SCAPER: variants seen among roughly 807,000 people sequenced by gnomAD.
SCAPER encodes the protein S phase cyclin A-associated protein in the endoplasmic reticulum.
In SCAPER, 98 loss-of-function variants were observed where a neutral mutation model predicts 182.2. The observed-to-expected ratio is 0.54, with a 90% CI of 0.46 to 0.64. The LOEUF is 0.64. Among genes scored for constraint, SCAPER ranks in the 30% least tolerant of loss-of-function variants. The pLI, the probability that SCAPER is intolerant of heterozygous loss-of-function variation, is 0.00. For synonymous variants in SCAPER, 605 were observed against 564.6 expected, an observed-to-expected ratio of 1.07 and a Z score of -1.01; for missense variants, 1,432 against 1,690.0, an observed-to-expected ratio of 0.85 and a Z score of 2.68.
chr15:76,541,826 C>T (rs1485438756), intron 23 of SCAPER, among the ~76,000 whole-genome samples: 3 of 152,150 alleles, frequency 2.0e-5, no homozygotes, highest in African/African-American at 7.2e-5. Context: ...TACCTAGAAA[C>T]ATATATGATA....
At chr15:76,413,067 T>G (rs1190637826) in intron 26 of SCAPER, among the ~76,000 whole-genome samples, 1 of 152,216 alleles carries the variant, frequency 6.6e-6, no homozygotes, top group Non-Finnish European at 1.5e-5. Flanking sequence ...GCATAAGTTA[T>G]ATTTGTATAT....
intron 23 of SCAPER, among the ~76,000 whole-genome samples, chr15:76,519,872 T>G (rs1567335094): frequency 6.6e-6 from 1 of 152,218 alleles, no homozygotes; most frequent in East Asian, 1.9e-4. Context: ...AGAGAGCTCT[T>G]CCTTTTTCTA....
Position 76,517,764 on chromosome 15 carries a change from T to C in SCAPER, c.2839-12790A>G, listed in dbSNP as rs911022292. On this transcript the variant is annotated intron_variant, in intron 23 of 31. Coordinates refer to ENST00000563290, the MANE Select transcript of SCAPER (RefSeq NM_020843.4). Reference sequence around the variant, plus strand: ...TTTTGATTTTCTGTTTTTCTATTGATGTCCTCCTTTTTCTGTTCCAGGATT... The same window carrying C: ...TTTTGATTTTCTGTTTTTCTATTGACGTCCTCCTTTTTCTGTTCCAGGATT... Among the ~76,000 whole-genome samples, 19 of 152,316 alleles carry C rather than the reference T, an allele frequency of 1.2e-4. 1 individual carries two copies. The highest frequency in any genetic ancestry group is 4.1e-4 in the African/African-American group (17 of 41,576).
intron 4 of SCAPER, among the ~76,000 whole-genome samples, chr15:76,845,106 A>C (rs1224877040): frequency 6.6e-6 from 1 of 152,230 alleles, no homozygotes; most frequent in African/African-American, 2.4e-5. Flanking sequence ...ATCATATAAC[A>C]AAATGAATAA....
intron 1 of SCAPER, among the ~76,000 whole-genome samples, chr15:76,895,893 T>C (rs1013605377): frequency 6.6e-6 from 1 of 151,658 alleles, no homozygotes; most frequent in East Asian, 1.9e-4. Context: ...ACAAAAAATT[T>C]GCCGGGCATG....
At chr15:76,472,406 T>G in intron 24 of SCAPER, 1 of 652,716 alleles carries the variant, frequency 1.5e-6, no homozygotes, top group African/African-American at 1.8e-5. Flanking sequence ...TTCTGGTGAC[T>G]GTATAGTTTG....
chr15:76,488,949 C>T (rs530805076), intron 24 of SCAPER, among the ~76,000 whole-genome samples: 1 of 151,228 alleles, frequency 6.6e-6, no homozygotes, highest in African/African-American at 2.4e-5. Flanking sequence ...TCTCGAACTC[C>T]TGACCTCAGG....
intron 25 of SCAPER, among the ~76,000 whole-genome samples, chr15:76,441,270 A>C (rs1425914988): frequency 6.6e-6 from 1 of 152,166 alleles, no homozygotes; most frequent in Non-Finnish European, 1.5e-5. Flanking sequence ...ATATTAAAGA[A>C]GACACTGCAA....
At chr15:76,543,683 T>C (rs2044993051) in intron 23 of SCAPER, among the ~76,000 whole-genome samples, 1 of 152,140 alleles carries the variant, frequency 6.6e-6, no homozygotes, top group Admixed American at 6.6e-5. Context: ...ACCTATATCA[T>C]ATGCCTGTGC....
At chr15:76,824,675 T>G (rs1407796949) in intron 5 of SCAPER, among the ~76,000 whole-genome samples, 5 of 152,224 alleles carry the variant, frequency 3.3e-5, no homozygotes, top group Admixed American at 3.3e-4. Context: ...GTAAACCATT[T>G]GCAAAACTGT....
At chr15:76,478,332 T>A (rs948529339) in intron 24 of SCAPER, among the ~76,000 whole-genome samples, 10 of 152,084 alleles carry the variant, frequency 6.6e-5, no homozygotes, top group Non-Finnish European at 1.5e-4. Context: ...ATTGTTAATA[T>A]CTTTTTCCAG....
At chr15:76,666,187 A>G (rs1210147872) in intron 20 of SCAPER, among the ~76,000 whole-genome samples, 2 of 152,214 alleles carry the variant, frequency 1.3e-5, no homozygotes, top group Non-Finnish European at 2.9e-5. Flanking sequence ...GAAGAGGGGG[A>G]AACTTCAGCA....
intron 5 of SCAPER, among the ~76,000 whole-genome samples, chr15:76,806,658 T>C (rs1278004378): frequency 6.6e-6 from 1 of 152,240 alleles, no homozygotes; most frequent in Non-Finnish European, 1.5e-5. Context: ...CTTAACACTA[T>C]GAAGTCTTCT....
intron 15 of SCAPER, among the ~76,000 whole-genome samples, chr15:76,750,951 T>C (rs2062051546): frequency 6.6e-6 from 1 of 151,800 alleles, no homozygotes; most frequent in South Asian, 2.1e-4. Context: ...ATTATCTTTG[T>C]TCACAGATGA....
Position 76,874,862 on chromosome 15 carries a change from C to A in SCAPER, c.6+8950G>T, listed in dbSNP as rs375582858. Among the ~76,000 whole-genome samples, 366 of 152,248 alleles carry A rather than the reference C, an allele frequency of 2.4e-3. 2 individuals carry two copies. Among genetic ancestry groups the A allele is most frequent in the African/African-American group, 8.4e-3 (349 of 41,546 alleles). ...CCTCTAGTCCCAGCTACTCAGGAGG[C>A]TAAGGCAGGAGGATCACTGGAGCCC... On this transcript the variant is annotated intron_variant, in intron 2 of 31. Coordinates refer to ENST00000563290, the MANE Select transcript of SCAPER (RefSeq NM_020843.4).
chr15:76,495,993 G>GAC (rs971206080), intron 24 of SCAPER, among the ~76,000 whole-genome samples: 1,515 of 58,408 alleles, frequency 0.026, 34 homozygotes, highest in African/African-American at 0.079. Flanking sequence ...AAAAGAGAGA[G>GAC]ACACACACAC....
intron 5 of SCAPER, among the ~76,000 whole-genome samples, chr15:76,812,475 G>A (rs1319034684): frequency 9.1e-6 from 1 of 109,886 alleles, no homozygotes; most frequent in Non-Finnish European, 1.8e-5. Flanking sequence ...GTGACGGAGT[G>A]AGACTCTGAA....
chr15:76,662,876 GAGTATC>G (rs1402986579), intron 21 of SCAPER, among the ~76,000 whole-genome samples: 1 of 151,980 alleles, frequency 6.6e-6, no homozygotes, highest in Non-Finnish European at 1.5e-5. Flanking sequence ...AAATATGATA[GAGTATC>G]TTTTGACCTC....
intron 28 of SCAPER, 186 bp downstream of exon 28, chr15:76,381,192 G>A (rs2042920966): frequency 6.1e-6 from 2 of 327,998 alleles, no homozygotes; most frequent in Non-Finnish European, 1.1e-5. Context: ...GAGAATGCTA[G>A]ATGTTATAGA....
Sources: allele counts gnomAD v4.1 joint callset (sites outside exome capture counted in the v4.1 genomes callset), GRCh38; gene constraint gnomAD v4.1.1; transcripts MANE v1.5; gene names NCBI Gene and HGNC (gene_info 2026-07-23, HGNC 2026-07-21).